The following ADCY5 variants were observed in gnomAD, a reference collection of about 807,000 sequenced individuals.
ADCY5 encodes the protein adenylate cyclase type 5.
A neutral mutation model predicts 119.7 loss-of-function variants in ADCY5; 30 were observed. The observed-to-expected ratio is 0.25, with a 90% confidence interval of 0.19 to 0.34. The LOEUF (loss-of-function observed/expected upper bound fraction) is 0.34. Ranked by LOEUF, ADCY5 falls within the 10% of genes least tolerant of loss-of-function variation. ADCY5 has a pLI of 1.00. For synonymous variants in ADCY5, 753 were observed against 762.2 expected (o/e 0.99, Z 0.20); for missense variants, 1,324 against 1,775.2 (o/e 0.75, Z 4.57).
At chr3:123,323,454 A>T (rs1402668634) in intron 8 of ADCY5, among the ~76,000 whole-genome samples, 2 of 152,074 alleles carry the variant, frequency 1.3e-5, no homozygotes, top group Non-Finnish European at 2.9e-5. Context: ...CTGAACAGAA[A>T]GAATCTCTCA....
At chr3:123,435,673 G>A (rs774832687) in intron 1 of ADCY5, among the ~76,000 whole-genome samples, 6 of 151,872 alleles carry the variant, frequency 4.0e-5, no homozygotes, top group Non-Finnish European at 7.4e-5. Flanking sequence ...ACAGGTTAGA[G>A]TATAAATGAA....
chr3:123,387,531 A>G (rs746778341), intron 1 of ADCY5, among the ~76,000 whole-genome samples: 2 of 152,198 alleles, frequency 1.3e-5, no homozygotes, highest in Non-Finnish European at 2.9e-5. Flanking sequence ...AGTAACAACA[A>G]CAACAAAAAA....
intron 1 of ADCY5, among the ~76,000 whole-genome samples, chr3:123,411,061 G>C (rs1945032300): frequency 1.3e-5 from 2 of 152,088 alleles, no homozygotes; most frequent in Admixed American, 1.3e-4. Flanking sequence ...AAATCACTCA[G>C]GTTTGTCAAA....
chr3:123,333,795 T>C (rs189373697), intron 3 of ADCY5, among the ~76,000 whole-genome samples: 43 of 152,334 alleles, frequency 2.8e-4, no homozygotes, highest in African/African-American at 1.0e-3. Flanking sequence ...GCCAGAATGA[T>C]GGCCCTGCAA....
At chr3:123,304,495 C>T (rs1335092185) in intron 12 of ADCY5, among the ~76,000 whole-genome samples, 3 of 152,110 alleles carry the variant, frequency 2.0e-5, no homozygotes, top group Admixed American at 2.0e-4. Context: ...ATAAAAAGCA[C>T]ATTGACCCGC....
At chr3:123,444,195 G>A (rs780358725) in intron 1 of ADCY5, among the ~76,000 whole-genome samples, 1 of 152,292 alleles carries the variant, frequency 6.6e-6, no homozygotes, top group African/African-American at 2.4e-5. Flanking sequence ...TATGGTATGG[G>A]TGTAGCAGAG....
rs1254618000 is a variant in ADCY5 at position 123,286,365 on chromosome 3, T to C, written c.3657+320A>G. Among the ~76,000 whole-genome samples, 1 of 152,148 alleles carries C rather than the reference T, an allele frequency of 6.6e-6. No individual in the cohort carries two copies. The highest frequency in any genetic ancestry group is 1.5e-5 in the Non-Finnish European group (1 of 68,012). The stretch of plus-strand genomic sequence containing the variant: ...CATCTTTGCATCCTCTCTGTGTGCC[T>C]GGGCTAGGAGGCACTGGGGCCTGCA... On this transcript the variant is annotated intron_variant, in intron 20 of 20. Transcript: ENST00000462833. The surrounding 1 kb of genome is among the most constrained non-coding windows in gnomAD (Gnocchi z 4.2).
At chr3:123,385,385 A>G (rs1179248524) in intron 1 of ADCY5, among the ~76,000 whole-genome samples, 2 of 152,138 alleles carry the variant, frequency 1.3e-5, no homozygotes, top group Non-Finnish European at 2.9e-5. Context: ...GGGATGGAGA[A>G]AGGAGAGGGA....
intron 15 of ADCY5, among the ~76,000 whole-genome samples, chr3:123,299,905 A>G (rs1939735192): frequency 6.6e-6 from 1 of 152,210 alleles, no homozygotes; most frequent in Non-Finnish European, 1.5e-5. Context: ...CAGAGAAAGA[A>G]ACACAGTGGG....
Position 123,284,518 on chromosome 3 carries a change from A to G in ADCY5, c.*90T>C. On this transcript the variant is annotated 3_prime_UTR_variant, in exon 21 of 21. Coordinates refer to ENST00000462833, the MANE Select transcript of ADCY5 (RefSeq NM_183357.3). The stretch of plus-strand genomic sequence containing the variant: ...TCAGCAGCGCAGCCCTGCGGGCTGG[A>G]GCATGGCTTCCCCGCCACCCCCGGC... 2 of 1,565,998 alleles carry G rather than the reference A, an allele frequency of 1.3e-6. No individual in the cohort carries two copies. The highest frequency in any genetic ancestry group is 2.4e-5 in the South Asian group (2 of 84,624).
chr3:123,352,058 G>T lies in ADCY5; in HGVS notation c.1284+374C>A, dbSNP rs1942854575. ...CACCTTAATCCCAGTTAGGAATGCTGGCTTCTCTCCTTACTCCAACTCAAG... is the reference window on the plus strand; with the variant it reads ...CACCTTAATCCCAGTTAGGAATGCTTGCTTCTCTCCTTACTCCAACTCAAG... On this transcript the variant is annotated intron_variant, in intron 2 of 20. Transcript: ENST00000462833. The surrounding 1 kb of genome is among the most constrained non-coding windows in gnomAD (Gnocchi z 4.8). Among the ~76,000 whole-genome samples, 1 of 152,218 alleles carries T rather than the reference G, an allele frequency of 6.6e-6. No individual in the cohort carries two copies. Among genetic ancestry groups the T allele is most frequent in the South Asian group, 2.1e-4 (1 of 4,828 alleles).
intron 17 of ADCY5, among the ~76,000 whole-genome samples, chr3:123,293,582 G>C (rs958229284): frequency 3.3e-5 from 5 of 151,772 alleles, no homozygotes; most frequent in South Asian, 2.1e-4. Flanking sequence ...CAGGTGAGGA[G>C]GGGGTGGGGG....
At chr3:123,424,773 T>A (rs1431312944) in intron 1 of ADCY5, among the ~76,000 whole-genome samples, 1 of 152,114 alleles carries the variant, frequency 6.6e-6, no homozygotes, top group Non-Finnish European at 1.5e-5. Flanking sequence ...TGTGCGCGCA[T>A]GCACGCACGC....
intron 1 of ADCY5, among the ~76,000 whole-genome samples, chr3:123,368,651 C>T (rs758054900): frequency 6.6e-6 from 1 of 151,510 alleles, no homozygotes; most frequent in East Asian, 1.9e-4. Context: ...ACTCGAGAGT[C>T]TGAGGTGGGA....
In ADCY5 at chr3:123,432,821, C is replaced by T. The variant is rs150939517; in HGVS notation, c.1134+14591G>A. Among the ~76,000 whole-genome samples the T allele has an allele frequency of 2.0e-5, 3 of 152,310 alleles. No homozygotes were observed. In the East Asian group the frequency reaches 5.8e-4, roughly 29 times the overall value. On this transcript the variant is annotated intron_variant, in intron 1 of 20. Transcript: ENST00000462833. The stretch of plus-strand genomic sequence containing the variant: ...GGATTATAGGTGTGAGCCACTGTAC[C>T]CAGCTGAAAACCAGTGTTTTCTAAG...
rs541791976 is a variant in ADCY5 at position 123,436,350 on chromosome 3, G to T, written c.1134+11062C>A. Among the ~76,000 whole-genome samples, 18 of 152,076 alleles carry T rather than the reference G, an allele frequency of 1.2e-4. No homozygotes were observed. The South Asian group carries it at 3.7e-3, about 32-fold the overall frequency. ...ATCATACCACTGTACTCTAGCCTGC[G>T]CAACAGAGTAAGACCTTGTCTCAAA... On this transcript the variant is annotated intron_variant, in intron 1 of 20. Transcript: ENST00000462833.
chr3:123,402,557 G>A (rs1944790727), intron 1 of ADCY5, among the ~76,000 whole-genome samples: 2 of 152,234 alleles, frequency 1.3e-5, no homozygotes, highest in African/African-American at 2.4e-5. Context: ...AATGTTTAAA[G>A]GAGCCCTAGT....
At chr3:123,400,282 G>T (rs376900280) in intron 1 of ADCY5, among the ~76,000 whole-genome samples, 5 of 152,106 alleles carry the variant, frequency 3.3e-5, no homozygotes, top group African/African-American at 4.8e-5. Flanking sequence ...ACAAGCAGCC[G>T]GATGCTTCAA....
At chr3:123,313,401 C>T (rs1310636665) in intron 12 of ADCY5, among the ~76,000 whole-genome samples, 1 of 152,224 alleles carries the variant, frequency 6.6e-6, no homozygotes, top group African/African-American at 2.4e-5. Flanking sequence ...ACCGCCCACC[C>T]CAGAGGCTTG....
Sources: gnomAD v4.1 joint callset for allele counts (sites outside exome capture counted in the v4.1 genomes callset) on GRCh38, gnomAD v4.1.1 for gene constraint, Gnocchi (gnomAD v3.1) non-coding constraint, MANE v1.5 for transcripts, NCBI Gene and HGNC (gene_info 2026-07-23, HGNC 2026-07-21) for gene names.